The following ALCAM variants were observed in gnomAD, a reference collection of about 807,000 sequenced individuals.
ALCAM encodes the protein activated leukocyte cell adhesion molecule, also known as CD166 antigen.
Under a neutral mutation model 70.9 loss-of-function variants are expected in ALCAM, and 30 were observed. The observed-to-expected ratio is 0.42, with a 90% confidence interval of 0.32 to 0.57. ALCAM has a LOEUF of 0.57. Among genes scored for constraint, ALCAM ranks in the 20% least tolerant of loss-of-function variants. The pLI, the probability that ALCAM is intolerant of heterozygous loss-of-function variation, is 0.11. For synonymous variants in ALCAM, 249 were observed against 242.5 expected (o/e 1.03, Z -0.25); for missense variants, 591 against 695.1 (o/e 0.85, Z 1.68).
At chr3:105,411,015 G>A (rs1032590026) in intron 1 of ALCAM, among the ~76,000 whole-genome samples, 2 of 151,960 alleles carry the variant, frequency 1.3e-5, no homozygotes, top group African/African-American at 4.8e-5. Context: ...CATTAATGGA[G>A]TTGTTAAACA....
chr3:105,476,356 A>T (rs1938109782), intron 1 of ALCAM, among the ~76,000 whole-genome samples: 1 of 152,032 alleles, frequency 6.6e-6, no homozygotes, highest in Non-Finnish European at 1.5e-5. Context: ...GTCTGTGTTA[A>T]TAATGCTCAA....
At chr3:105,549,832 A>G (rs1940348473) in intron 11 of ALCAM, among the ~76,000 whole-genome samples, 1 of 151,410 alleles carries the variant, frequency 6.6e-6, no homozygotes, top group Non-Finnish European at 1.5e-5. Context: ...ATTTTGAAAC[A>G]AGTATCATCA....
chr3:105,389,163 A>G (rs1033663858), intron 1 of ALCAM, among the ~76,000 whole-genome samples: 1 of 151,558 alleles, frequency 6.6e-6, no homozygotes, highest in Non-Finnish European at 1.5e-5. Context: ...TATGACAAAT[A>G]TGACACATTC....
At chr3:105,479,593 A>G (rs763488377) in intron 1 of ALCAM, among the ~76,000 whole-genome samples, 1 of 152,198 alleles carries the variant, frequency 6.6e-6, no homozygotes, top group Non-Finnish European at 1.5e-5. Flanking sequence ...ACATGCTTTT[A>G]GACCACTTGA....
chr3:105,488,690 AAAGGAAAGAAGGG>A (rs200273537), intron 1 of ALCAM, among the ~76,000 whole-genome samples: 2,029 of 148,022 alleles, frequency 0.014, 44 homozygotes, highest in African/African-American at 0.048. Context: ...AAGGGGAAGG[AAAGGAAAGAAGGG>A]AAGGAAAGAA....
intron 3 of ALCAM, among the ~76,000 whole-genome samples, chr3:105,528,644 C>A (rs193217172): frequency 3.9e-4 from 60 of 152,264 alleles, no homozygotes; most frequent in African/African-American, 1.3e-3. Context: ...AAACCAAATA[C>A]TGCATGTTCT....
At position 105,576,759 on chromosome 3, in the gene ALCAM, C is replaced by T. The variant is rs1940968806; in HGVS notation, c.*2308C>T. 1 of 152,192 alleles carries T rather than the reference C, an allele frequency of 6.6e-6. No homozygotes were observed. Among genetic ancestry groups the T allele is most frequent in the Non-Finnish European group, 1.5e-5 (1 of 68,044 alleles). The allele number at this position is 152,192 out of a possible 1,614,324, so 9.4% of individuals were successfully genotyped here. On this transcript the variant is annotated 3_prime_UTR_variant, in exon 16 of 16. Coordinates refer to ENST00000306107, the MANE Select transcript of ALCAM (RefSeq NM_001627.4). The stretch of plus-strand genomic sequence containing the variant: ...CCTCAACTTTTGAGGTTTCGGCTCT[C>T]CAATTTAACTCTTTGGCAACAGGAA...
At chr3:105,440,813 C>T (rs1197059586) in intron 1 of ALCAM, 1 of 152,132 alleles carries the variant, frequency 6.6e-6, no homozygotes, top group African/African-American at 2.4e-5. Flanking sequence ...TCTGTTTAGG[C>T]TATCTCTGAT....
At chr3:105,519,833 G>C (rs1939483224) in intron 1 of ALCAM, among the ~76,000 whole-genome samples, 1 of 152,122 alleles carries the variant, frequency 6.6e-6, no homozygotes, top group African/African-American at 2.4e-5. Flanking sequence ...TGCAAATTTT[G>C]ATTGTGTGAT....
intron 1 of ALCAM, among the ~76,000 whole-genome samples, chr3:105,441,278 A>G (rs1205332691): frequency 6.6e-6 from 1 of 151,718 alleles, no homozygotes; most frequent in Non-Finnish European, 1.5e-5. Flanking sequence ...TCATGTTTGC[A>G]CAGTTTATTT....
intron 14 of ALCAM, among the ~76,000 whole-genome samples, chr3:105,565,367 A>G (rs1576245160): frequency 6.6e-6 from 1 of 152,144 alleles, no homozygotes; most frequent in Non-Finnish European, 1.5e-5. Context: ...TTCTATGTCT[A>G]TAACTTAATT....
chr3:105,446,962 T>A (rs958185992), intron 1 of ALCAM, among the ~76,000 whole-genome samples: 3 of 152,090 alleles, frequency 2.0e-5, no homozygotes, highest in Non-Finnish European at 4.4e-5. Flanking sequence ...ATGACAATGG[T>A]TAACAGTATT....
At chr3:105,492,257 C>T (rs1938608854) in intron 1 of ALCAM, among the ~76,000 whole-genome samples, 1 of 152,172 alleles carries the variant, frequency 6.6e-6, no homozygotes, top group African/African-American at 2.4e-5. Flanking sequence ...GATTCAATTA[C>T]TTCCCACCGG....
Position 105,521,691 on chromosome 3 carries a change from A to G in ALCAM, c.174+1524A>G, listed in dbSNP as rs563183905. Among the ~76,000 whole-genome samples, 521 of 152,276 alleles carry G rather than the reference A, an allele frequency of 3.4e-3. 1 individual carries two copies. Among genetic ancestry groups the G allele is most frequent in the Middle Eastern group, 3.4e-3 (1 of 294 alleles). ...TACCCGAAGAAATTGATATCAAAAT[A>G]CTTACCTAGTACTTGTCGTGTAGTA... On this transcript the variant is annotated intron_variant, in intron 2 of 15. Transcript: ENST00000306107.
chr3:105,466,521 T>A (rs932236878), intron 1 of ALCAM, among the ~76,000 whole-genome samples: 3 of 151,468 alleles, frequency 2.0e-5, no homozygotes, highest in African/African-American at 4.8e-5. Flanking sequence ...AATTTTTTTT[T>A]AAATCTTCTC....
chr3:105,511,688 T>C lies in ALCAM; in HGVS notation c.74-8379T>C, dbSNP rs557066855. Among the ~76,000 whole-genome samples the C allele has an allele frequency of 1.4e-4, 22 of 152,164 alleles. No homozygotes were observed. In the East Asian group the frequency reaches 3.7e-3, roughly 25 times the overall value. ...CTTTACTACTTACCATGTTTGATTG[T>C]ACAAATCTATATCCTCAGGAGACAT... On this transcript the variant is annotated intron_variant, in intron 1 of 15. Coordinates refer to ENST00000306107, the MANE Select transcript of ALCAM (RefSeq NM_001627.4).
At chr3:105,449,234 T>C (rs985162659) in intron 1 of ALCAM, among the ~76,000 whole-genome samples, 1 of 152,216 alleles carries the variant, frequency 6.6e-6, no homozygotes, top group African/African-American at 2.4e-5. Context: ...TTCAGTGCTA[T>C]TGTATGGTCT....
intron 6 of ALCAM, 75 bp from the exon 7 acceptor site, chr3:105,539,900 A>C (rs1213600288): frequency 7.0e-7 from 1 of 1,437,874 alleles, no homozygotes; most frequent in Non-Finnish European, 9.5e-7. Flanking sequence ...TGTATAATTT[A>C]GTCATTTACA....
chr3:105,498,306 C>G lies in ALCAM; in HGVS notation c.74-21761C>G, dbSNP rs114958439. On this transcript the variant is annotated intron_variant, in intron 1 of 15. Transcript: ENST00000306107. Reference sequence around the variant, plus strand: ...CTTTATAGTATTCTGCTTCTGTATTCTGTAGTTTCTGGTCACACAAAACAC... The same window carrying G: ...CTTTATAGTATTCTGCTTCTGTATTGTGTAGTTTCTGGTCACACAAAACAC... 8.1e-3 allele frequency among the ~76,000 whole-genome samples: 1,239 copies of G among 152,182 alleles called. 7 individuals are homozygous for G. Among genetic ancestry groups the G allele is most frequent in the Middle Eastern group, 0.01 (3 of 294 alleles).
Sources: allele counts gnomAD v4.1 joint callset (sites outside exome capture counted in the v4.1 genomes callset), GRCh38; gene constraint gnomAD v4.1.1; transcripts MANE v1.5; gene names NCBI Gene and HGNC (gene_info 2026-07-23, HGNC 2026-07-21).